Variants in PPM1E observed in about 807,000 individuals in gnomAD.
PPM1E encodes protein phosphatase 1E.
PPM1E carries 20 observed loss-of-function variants against 65.9 expected under a neutral mutation model. The ratio of observed to expected loss-of-function variants is 0.30; its 90% CI spans 0.21 to 0.44. The LOEUF (loss-of-function observed/expected upper bound fraction) is 0.44. Ranked by LOEUF, PPM1E falls within the 20% of genes least tolerant of loss-of-function variation. PPM1E has a pLI of 1.00. For missense variants in PPM1E, 713 were observed against 953.1 expected (o/e 0.75, Z 3.32); for synonymous variants, 352 against 374.9 (o/e 0.94, Z 0.70).
chr17:58,971,988 G>A, intron 4 of PPM1E, 144 bp from the exon 5 acceptor site: 1 of 764,068 alleles, frequency 1.3e-6, no homozygotes, highest in Non-Finnish European at 2.0e-6. Flanking sequence ...AATGCATTGA[G>A]ACAATGAATT....
intron 1 of PPM1E, among the ~76,000 whole-genome samples, chr17:58,759,291 T>G (rs2049800449): frequency 6.6e-6 from 1 of 152,176 alleles, no homozygotes; most frequent in African/African-American, 2.4e-5. Flanking sequence ...CTCCTTTCTC[T>G]AAGTTTAAAT....
At chr17:58,938,543 G>A (rs1176301135) in intron 1 of PPM1E, among the ~76,000 whole-genome samples, 2 of 152,036 alleles carry the variant, frequency 1.3e-5, no homozygotes, top group African/African-American at 4.8e-5. Context: ...TAAATTATAA[G>A]TTAAAGTGAT....
At chr17:58,904,932 G>C in intron 1 of PPM1E, among the ~76,000 whole-genome samples, 1 of 152,080 alleles carries the variant, frequency 6.6e-6, no homozygotes, top group Non-Finnish European at 1.5e-5. Context: ...GCTGAGGCAG[G>C]AGAATCGCTT....
At chr17:58,937,879 C>CAAAA (rs1226139023) in intron 1 of PPM1E, among the ~76,000 whole-genome samples, 5 of 82,880 alleles carry the variant, frequency 6.0e-5, no homozygotes, top group East Asian at 3.7e-4. Flanking sequence ...GACTCCATCT[C>CAAAA]AAAAAAAAAA....
intron 1 of PPM1E, among the ~76,000 whole-genome samples, chr17:58,881,042 CATT>C (rs1044877556): frequency 4.3e-4 from 65 of 152,234 alleles, no homozygotes; most frequent in African/African-American, 1.5e-3. Context: ...CAAGTAAAGT[CATT>C]ATTGTTTTGT....
chr17:58,906,323 T>G (rs1409941338), intron 1 of PPM1E, among the ~76,000 whole-genome samples: 2 of 152,108 alleles, frequency 1.3e-5, no homozygotes, highest in Non-Finnish European at 2.9e-5. Flanking sequence ...TTTTCTCTAT[T>G]GATTTCCTAT....
At chr17:58,790,454 CTCTT>C (rs1040931376) in intron 1 of PPM1E, among the ~76,000 whole-genome samples, 9 of 152,096 alleles carry the variant, frequency 5.9e-5, no homozygotes, top group African/African-American at 2.2e-4. Context: ...TCAGTTCCTT[CTCTT>C]TGTGTATATG....
chr17:58,774,566 T>C (rs1299303840), intron 1 of PPM1E, among the ~76,000 whole-genome samples: 1 of 152,186 alleles, frequency 6.6e-6, no homozygotes, highest in Non-Finnish European at 1.5e-5. Context: ...ATGCAAAGAT[T>C]GCCTTTTAGG....
intron 1 of PPM1E, among the ~76,000 whole-genome samples, chr17:58,894,871 A>G (rs1388663043): frequency 3.3e-5 from 5 of 152,208 alleles, no homozygotes; most frequent in Non-Finnish European, 7.3e-5. Flanking sequence ...GTTCTGGAGT[A>G]AAACATTGTT....
chr17:58,868,382 T>A (rs1421400871), intron 1 of PPM1E, among the ~76,000 whole-genome samples: 1 of 152,134 alleles, frequency 6.6e-6, no homozygotes, highest in African/African-American at 2.4e-5. Context: ...AAAAAAATTT[T>A]TTTTAATTTT....
chr17:58,856,171 CTAA>C (rs1199993559), intron 1 of PPM1E, among the ~76,000 whole-genome samples: 2 of 151,932 alleles, frequency 1.3e-5, no homozygotes, highest in African/African-American at 2.4e-5. Flanking sequence ...TTTTGTTTTG[CTAA>C]TAATTCTCTG....
At chr17:58,844,513 G>T (rs184625617) in intron 1 of PPM1E, among the ~76,000 whole-genome samples, 7 of 152,272 alleles carry the variant, frequency 4.6e-5, no homozygotes, top group Admixed American at 3.9e-4. Flanking sequence ...ACATCCTCCA[G>T]CCTCTTATTG....
chr17:58,836,749 C>T (rs1380361378), intron 1 of PPM1E, among the ~76,000 whole-genome samples: 7 of 149,190 alleles, frequency 4.7e-5, no homozygotes, highest in Admixed American at 6.6e-5. Flanking sequence ...TGGCCGGGCG[C>T]GGTGGCTCAC....
intron 1 of PPM1E, among the ~76,000 whole-genome samples, chr17:58,786,761 A>T (rs948023550): frequency 6.6e-6 from 1 of 152,166 alleles, no homozygotes; most frequent in Admixed American, 6.5e-5. Context: ...CAACTTCCAT[A>T]TTATTGTTTT....
intron 1 of PPM1E, among the ~76,000 whole-genome samples, chr17:58,830,657 T>A (rs2050595510): frequency 6.6e-6 from 1 of 151,990 alleles, no homozygotes; most frequent in Non-Finnish European, 1.5e-5. Context: ...TGAACCTATT[T>A]GTATGTGGTT....
At chr17:58,886,173 T>G (rs1179089403) in intron 1 of PPM1E, among the ~76,000 whole-genome samples, 1 of 152,228 alleles carries the variant, frequency 6.6e-6, no homozygotes, top group Non-Finnish European at 1.5e-5. Context: ...CCTTGAGGAT[T>G]TAAACCTTTT....
intron 1 of PPM1E, among the ~76,000 whole-genome samples, chr17:58,800,252 A>C (rs181529458): frequency 1.8e-4 from 28 of 152,166 alleles, no homozygotes; most frequent in East Asian, 1.5e-3. Flanking sequence ...CCAACATTGC[A>C]TTTCTGGAAT....
chr17:58,823,779 G>A (rs1318640358), intron 1 of PPM1E, among the ~76,000 whole-genome samples: 1 of 152,146 alleles, frequency 6.6e-6, no homozygotes, highest in East Asian at 1.9e-4. Context: ...TGCCCAGGCT[G>A]GAGTGCAGTG....
At chr17:58,871,830 AAG>A (rs1394248841) in intron 1 of PPM1E, among the ~76,000 whole-genome samples, 6 of 135,126 alleles carry the variant, frequency 4.4e-5, no homozygotes, top group African/African-American at 1.7e-4. Context: ...AAAAAAAAAA[AAG>A]AAGAAGAAGA....
Sources: allele counts gnomAD v4.1 joint callset (sites outside exome capture counted in the v4.1 genomes callset), GRCh38; gene constraint gnomAD v4.1.1; transcripts MANE v1.5; gene names NCBI Gene and HGNC (gene_info 2026-07-23, HGNC 2026-07-21).